COL18A1: variants seen among roughly 807,000 people sequenced by gnomAD.
The protein encoded by COL18A1 is collagen type XVIII alpha 1 chain, also known as collagen alpha-1(XVIII) chain.
In COL18A1, 133 loss-of-function variants were observed where a neutral mutation model predicts 168.0. That is an observed-to-expected ratio of 0.79 (90% confidence interval 0.69 to 0.91). The LOEUF is 0.91. COL18A1 is among the 40% of genes least tolerant of loss of function. The probability of loss-of-function intolerance (pLI) is 0.00; values close to 1 mark genes in which losing one functional copy is unlikely to be tolerated. For missense variants in COL18A1, 2,126 were observed against 1,925.4 expected (o/e 1.10, Z -1.95); for synonymous variants, 949 against 809.0 (o/e 1.17, Z -2.94).
intron 3 of COL18A1, among the ~76,000 whole-genome samples, chr21:45,472,808 C>T (rs1004240941): frequency 2.1e-5 from 3 of 141,702 alleles, no homozygotes; most frequent in East Asian, 4.1e-4. Flanking sequence ...TCCACACCCC[C>T]CCACGCATGA....
At chr21:45,453,286 TGTG>T (rs2034691967) in intron 2 of COL18A1, among the ~76,000 whole-genome samples, 2 of 152,152 alleles carry the variant, frequency 1.3e-5, no homozygotes, top group African/African-American at 4.8e-5. Flanking sequence ...TATGTACATG[TGTG>T]GGGGCTTGTG....
intron 31 of COL18A1, 23 bp downstream of exon 31, chr21:45,497,115 TG>T: frequency 1.3e-6 from 2 of 1,506,508 alleles, no homozygotes; most frequent in South Asian, 1.1e-5. Context: ...GGCTCACAGC[TG>T]GGGACACAGG....
intron 2 of COL18A1, among the ~76,000 whole-genome samples, chr21:45,465,838 G>A (rs1289282771): frequency 1.3e-5 from 2 of 152,230 alleles, no homozygotes; most frequent in East Asian, 1.9e-4. Context: ...GTGTCTGAGG[G>A]TCTCTGAGGG....
chr21:45,437,292 ACACACACACTCACACAGGCACTCTCCTG>A (rs2145797895), intron 2 of COL18A1, among the ~76,000 whole-genome samples: 5 of 128,930 alleles, frequency 3.9e-5, no homozygotes, highest in Admixed American at 2.2e-4. Context: ...TCTCCTGCAC[ACACACACACTCACACAGGCACTCTCCTG>A]CACACACACA....
At chr21:45,504,109 G>C in intron 33 of COL18A1, 55 bp downstream of exon 33, 3 of 1,583,878 alleles carry the variant, frequency 1.9e-6, no homozygotes, top group Non-Finnish European at 2.6e-6. Context: ...CATCCCGCTG[G>C]GTGGCTGCTC....
intron 2 of COL18A1, among the ~76,000 whole-genome samples, chr21:45,439,986 C>T (rs2034325470): frequency 6.6e-6 from 1 of 152,270 alleles, no homozygotes; most frequent in Non-Finnish European, 1.5e-5. Context: ...CCCGACTCCG[C>T]ACCTCCCACC....
chr21:45,504,862 G>C (rs1273730557), intron 34 of COL18A1, among the ~76,000 whole-genome samples: 1 of 152,138 alleles, frequency 6.6e-6, no homozygotes. Flanking sequence ...CATCAGTCCT[G>C]AAAGACTCCA....
At chr21:45,476,153 C>G (rs1380759979) in intron 5 of COL18A1, among the ~76,000 whole-genome samples, 198 bp from the exon 6 acceptor site, 2 of 152,086 alleles carry the variant, frequency 1.3e-5, no homozygotes, top group Non-Finnish European at 2.9e-5. Flanking sequence ...CCTGGGGAGC[C>G]GGGGAGCCCA....
chr21:45,481,687 CAGAG>C (rs1020472629), intron 13 of COL18A1, among the ~76,000 whole-genome samples: 1 of 152,248 alleles, frequency 6.6e-6, no homozygotes, highest in Non-Finnish European at 1.5e-5. Flanking sequence ...GACTGCCTCT[CAGAG>C]GGAGCAGCGG....
At chr21:45,486,262 TGCCGGGGAGCCAGG>T in intron 15 of COL18A1, among the ~76,000 whole-genome samples, 1 of 150,096 alleles carries the variant, frequency 6.7e-6, no homozygotes, top group African/African-American at 2.5e-5. Context: ...TCCCCTTGCC[TGCCGGGGAGCCAGG>T]GCTGGTCCCA....
At chr21:45,478,200 G>A in intron 8 of COL18A1, 127 bp from the exon 9 acceptor site, 1 of 1,262,656 alleles carries the variant, frequency 7.9e-7, no homozygotes, top group Non-Finnish European at 1.2e-6. Context: ...GCGGGTGCGA[G>A]GACATCGGGG....
intron 2 of COL18A1, among the ~76,000 whole-genome samples, chr21:45,409,481 G>T (rs566209144): frequency 6.6e-6 from 1 of 152,242 alleles, no homozygotes; most frequent in East Asian, 1.9e-4. Context: ...TCCCAGGCCT[G>T]GGAGTTTGGG....
intron 20 of COL18A1, among the ~76,000 whole-genome samples, 154 bp downstream of exon 20, chr21:45,490,500 CT>C (rs1568921610): frequency 4.2e-4 from 45 of 106,164 alleles, no homozygotes; most frequent in African/African-American, 6.9e-4. Flanking sequence ...CCTCCCGGGT[CT>C]CTGGGCCTCC....
intron 2 of COL18A1, among the ~76,000 whole-genome samples, chr21:45,410,410 A>G (rs1342126942): frequency 8.7e-6 from 1 of 115,262 alleles, no homozygotes; most frequent in African/African-American, 3.7e-5. Flanking sequence ...GGGGCCGGGC[A>G]CTGGTGGGGG....
chr21:45,466,718 C>G (rs571959644), intron 2 of COL18A1, among the ~76,000 whole-genome samples: 2 of 152,264 alleles, frequency 1.3e-5, no homozygotes, highest in East Asian at 3.9e-4. Flanking sequence ...CACTGGGGTC[C>G]CTGGGGCCGC....
intron 37 of COL18A1, chr21:45,507,326 G>T: frequency 1.7e-6 from 1 of 601,544 alleles, no homozygotes; most frequent in Non-Finnish European, 3.0e-6. Flanking sequence ...CTGTGGGCTG[G>T]CAGGGCCGGG....
chr21:45,472,709 C>T (rs896507116), intron 3 of COL18A1, among the ~76,000 whole-genome samples: 10 of 152,324 alleles, frequency 6.6e-5, no homozygotes, highest in Middle Eastern at 3.4e-3. Flanking sequence ...CGCAGTGTGA[C>T]GCTGAGAGCC....
rs922447464 is a variant in COL18A1, at chr21:45,498,615, G to A, written c.2683+954G>A. On this transcript the variant is annotated intron_variant, in intron 32 of 41. Coordinates refer to ENST00000651438, the MANE Select transcript of COL18A1 (RefSeq NM_001379500.1). This position sits in a 1 kb window ranked among gnomAD's most constrained non-coding sequence, Gnocchi z 4.5. ...CTGGGCCGGGACATCCTTAAGGCCT[G>A]TGGAGGCAAAGGCAGGCAGAAAGCA... 6 of 707,578 alleles carry A rather than the reference G, an allele frequency of 8.5e-6. No homozygotes were observed. Among genetic ancestry groups the A allele is most frequent in the African/African-American group, 3.5e-5 (2 of 56,960 alleles). 43.8% of individuals were successfully genotyped at this position (707,578 alleles called of 1,614,324 possible).
chr21:45,476,950 T>A (rs74508045), intron 6 of COL18A1, among the ~76,000 whole-genome samples: 7,030 of 150,218 alleles, frequency 0.047, 228 homozygotes, highest in African/African-American at 0.09. Flanking sequence ...TGTGTGTGTG[T>A]GGCAGGTGGG....
Sources: gnomAD v4.1 joint callset for allele counts (sites outside exome capture counted in the v4.1 genomes callset) on GRCh38, gnomAD v4.1.1 for gene constraint, Gnocchi (gnomAD v3.1) non-coding constraint, MANE v1.5 for transcripts, NCBI Gene and HGNC (gene_info 2026-07-23, HGNC 2026-07-21) for gene names.